The following CTNNA2 variants were observed in gnomAD, a reference collection of about 807,000 sequenced individuals.
The protein encoded by CTNNA2 is catenin alpha 2, also known as catenin alpha-2.
A neutral mutation model predicts 101.0 loss-of-function variants in CTNNA2; 42 were observed. The ratio of observed to expected loss-of-function variants is 0.42; its 90% confidence interval spans 0.32 to 0.54. CTNNA2 has a LOEUF of 0.54. CTNNA2 is among the 20% of genes least tolerant of loss of function. The probability of loss-of-function intolerance (pLI) is 0.14; values close to 1 mark genes in which losing one functional copy is unlikely to be tolerated. For missense variants in CTNNA2, 871 were observed against 1,223.1 expected (o/e 0.71, Z 4.29); for synonymous variants, 450 against 456.4 (o/e 0.99, Z 0.18).
intron 2 of CTNNA2, among the ~76,000 whole-genome samples, chr2:79,657,733 G>A (rs1681717629): frequency 6.6e-6 from 1 of 150,998 alleles, no homozygotes; most frequent in Admixed American, 6.6e-5. Context: ...GAAAAGATCA[G>A]CATAAGTGTG....
intron 7 of CTNNA2, among the ~76,000 whole-genome samples, chr2:80,225,239 A>T (rs985987309): frequency 1.3e-5 from 2 of 152,126 alleles, no homozygotes; most frequent in Non-Finnish European, 1.5e-5. Context: ...AAGAAATTAA[A>T]CATTTCTCTA....
intron 7 of CTNNA2, among the ~76,000 whole-genome samples, chr2:80,197,003 A>G (rs1165327588): frequency 1.3e-5 from 2 of 152,092 alleles, no homozygotes; most frequent in East Asian, 3.8e-4. Flanking sequence ...TGTATATTGC[A>G]TGCACGTACT....
At chr2:79,527,474 C>CAA (rs58822666) in intron 1 of CTNNA2, among the ~76,000 whole-genome samples, 22,803 of 84,972 alleles carry the variant, frequency 0.27, 2,343 homozygotes, top group Middle Eastern at 0.37. Flanking sequence ...ACTAAAAATA[C>CAA]AAAAAAAAAA....
At chr2:80,186,101 C>A (rs1706108368) in intron 7 of CTNNA2, among the ~76,000 whole-genome samples, 1 of 152,146 alleles carries the variant, frequency 6.6e-6, no homozygotes, top group Non-Finnish European at 1.5e-5. Context: ...CTTAGTCCAA[C>A]CCCACCCCAC....
chr2:80,097,321 T>C (rs527823132), intron 7 of CTNNA2, among the ~76,000 whole-genome samples: 30 of 152,338 alleles, frequency 2.0e-4, no homozygotes, highest in Middle Eastern at 3.4e-3. Context: ...TTTAAGAATG[T>C]TGAATGTTGG....
chr2:80,095,168 G>T (rs1286217876), intron 7 of CTNNA2, among the ~76,000 whole-genome samples: 5 of 152,196 alleles, frequency 3.3e-5, no homozygotes, highest in Admixed American at 1.3e-4. Flanking sequence ...ATTATTTTGA[G>T]ATATGTCCCA....
At chr2:80,490,677 A>G (rs956939623) in intron 9 of CTNNA2, among the ~76,000 whole-genome samples, 1 of 152,120 alleles carries the variant, frequency 6.6e-6, no homozygotes, top group African/African-American at 2.4e-5. Context: ...ATTTACCTAT[A>G]GTACATTTTC....
rs534355388 is a variant in CTNNA2, at chr2:79,245,103, A to C, written c.-406+47027A>C. 4.6e-5 allele frequency among the ~76,000 whole-genome samples: 7 copies of C among 152,130 alleles called. No homozygotes were observed. In the South Asian group the frequency reaches 1.2e-3, roughly 27 times the overall value. The stretch of plus-strand genomic sequence containing the variant: ...AGAGTGAAACTCCATCTCAAGAAAA[A>C]AAAAAAAAGGAAAGAAATCAGTGTG... On this transcript the variant is annotated intron_variant, in intron 2 of 21. Transcript: ENST00000466387.
At chr2:80,472,481 G>A (rs1204838276) in intron 9 of CTNNA2, among the ~76,000 whole-genome samples, 2 of 152,172 alleles carry the variant, frequency 1.3e-5, no homozygotes, top group African/African-American at 4.8e-5. Context: ...ATAGGCTGGA[G>A]CCATGGAAGC....
Position 79,216,370 on chromosome 2 carries a change from A to G in CTNNA2, c.-406+18294A>G, listed in dbSNP as rs192544159. Among the ~76,000 whole-genome samples the G allele has an allele frequency of 1.8e-3, 277 of 151,290 alleles. 2 individuals carry two copies. The highest frequency in any genetic ancestry group is 6.4e-3 in the African/African-American group (264 of 41,190). ...GGAGGGAAGGGGTTTGGGGGTTCTT[A>G]CCCTCCAGAAAAGCAGGAAAGTGGT... On this transcript the variant is annotated intron_variant, in intron 2 of 21. Coordinates refer to the CTNNA2 transcript ENST00000466387.
At chr2:80,531,250 G>A (rs112987693) in intron 9 of CTNNA2, among the ~76,000 whole-genome samples, 13 of 152,254 alleles carry the variant, frequency 8.5e-5, no homozygotes, top group South Asian at 4.1e-4. Context: ...CTTCTCCTTC[G>A]GGCAGTAACC....
intron 3 of CTNNA2, among the ~76,000 whole-genome samples, chr2:79,803,590 G>C (rs185172592): frequency 2.5e-3 from 380 of 152,354 alleles, no homozygotes; most frequent in African/African-American, 8.4e-3. Context: ...GGGCGGGCCA[G>C]GTGTTCCTTG....
chr2:79,294,171 CAGAGAGAGAGAGAGAAAG>C lies in CTNNA2; in HGVS notation c.-405-18521_-405-18504del, dbSNP rs574920650. On this transcript the variant is annotated intron_variant, in intron 2 of 21. Coordinates refer to the CTNNA2 transcript ENST00000466387. ...TCTTTCTGTGTCCTCGCATGGCAGA[CAGAGAGAGAGAGAGAAAG>C]AGAGAGAGAGAGAGAAGAAGAAGAG... is the stretch of plus-strand genomic sequence containing the variant. 5.1e-4 allele frequency among the ~76,000 whole-genome samples: 73 copies of C among 143,202 alleles called. 1 individual carries two copies. In the South Asian group the frequency reaches 0.016, roughly 30 times the overall value. The allele number at this position is 143,202 out of a possible 152,430, so 93.9% of individuals were successfully genotyped here.
chr2:79,662,108 T>C (rs922868550), intron 2 of CTNNA2, among the ~76,000 whole-genome samples: 31 of 151,866 alleles, frequency 2.0e-4, no homozygotes, highest in Middle Eastern at 3.4e-3. Flanking sequence ...AGTAAGGATT[T>C]AGTACCTTTT....
At chr2:79,513,273 C>G (rs1459774958) in intron 1 of CTNNA2, 66 bp downstream of exon 1, 4 of 147,778 alleles carry the variant, frequency 2.7e-5, no homozygotes, top group Non-Finnish European at 4.5e-5. Flanking sequence ...CCCTCCCATC[C>G]TCTCCATCCT....
intron 1 of CTNNA2, among the ~76,000 whole-genome samples, chr2:79,193,452 C>T (rs1051336760): frequency 3.9e-5 from 6 of 152,112 alleles, no homozygotes; most frequent in African/African-American, 1.4e-4. Context: ...AGGTACGTAC[C>T]CTAGGAACAG....
chr2:79,927,132 G>T (rs537287668), intron 7 of CTNNA2, among the ~76,000 whole-genome samples: 8 of 152,072 alleles, frequency 5.3e-5, no homozygotes, highest in Admixed American at 5.2e-4. Flanking sequence ...AAAGGACATC[G>T]AATAGAGAAA....
intron 7 of CTNNA2, among the ~76,000 whole-genome samples, chr2:80,019,167 T>G (rs1694369111): frequency 6.6e-6 from 1 of 152,176 alleles, no homozygotes; most frequent in South Asian, 2.1e-4. Flanking sequence ...CATAAGGGAC[T>G]TTTTACCATC....
chr2:79,657,529 A>C (rs968611070), intron 2 of CTNNA2, among the ~76,000 whole-genome samples: 1 of 151,916 alleles, frequency 6.6e-6, no homozygotes, highest in Non-Finnish European at 1.5e-5. Context: ...GTGTTCTTTA[A>C]ATGATTCCAA....
Sources: allele counts gnomAD v4.1 joint callset (sites outside exome capture counted in the v4.1 genomes callset), GRCh38; gene constraint gnomAD v4.1.1; transcripts MANE v1.5; gene names NCBI Gene and HGNC (gene_info 2026-07-23, HGNC 2026-07-21).